ERBB4: variants seen among roughly 807,000 people sequenced by gnomAD.
ERBB4 encodes erb-b2 receptor tyrosine kinase 4.
ERBB4 carries 42 observed loss-of-function variants against 158.0 expected under a neutral mutation model. That is an observed-to-expected ratio of 0.27 (90% CI 0.21 to 0.34). The LOEUF (loss-of-function observed/expected upper bound fraction) is 0.34, where lower values mean the gene tolerates loss of function less well. Ranked by LOEUF, ERBB4 falls within the 10% of genes least tolerant of loss-of-function variation. The pLI is 1.00. For missense variants in ERBB4, 1,333 were observed against 1,624.1 expected (o/e 0.82, Z 3.08); for synonymous variants, 583 against 558.7 (o/e 1.04, Z -0.61).
intron 1 of ERBB4, among the ~76,000 whole-genome samples, chr2:212,327,936 G>A (rs1505374): frequency 0.91 from 137,248 of 150,802 alleles, 62,594 homozygotes; most frequent in Middle Eastern, 0.96. Flanking sequence ...TTAATTCTCA[G>A]ATTGGGCCTA....
At chr2:211,898,483 A>G (rs1367676751) in intron 3 of ERBB4, among the ~76,000 whole-genome samples, 1 of 152,194 alleles carries the variant, frequency 6.6e-6, no homozygotes, top group Non-Finnish European at 1.5e-5. Flanking sequence ...TAAGGTTACT[A>G]TGTATCTGAC....
At chr2:212,112,711 G>C (rs936899858) in intron 2 of ERBB4, among the ~76,000 whole-genome samples, 1 of 152,162 alleles carries the variant, frequency 6.6e-6, no homozygotes, top group Non-Finnish European at 1.5e-5. Context: ...TTGTAATAAG[G>C]AGTGGGAGAT....
chr2:211,443,251 A>G (rs1278147193), intron 20 of ERBB4, among the ~76,000 whole-genome samples: 2 of 152,088 alleles, frequency 1.3e-5, no homozygotes, highest in African/African-American at 4.8e-5. Context: ...AAATTTTAAT[A>G]TTATTGGCAA....
At chr2:212,180,420 C>T (rs968616330) in intron 1 of ERBB4, among the ~76,000 whole-genome samples, 14 of 151,590 alleles carry the variant, frequency 9.2e-5, no homozygotes, top group African/African-American at 3.4e-4. Context: ...AGACTAAAAA[C>T]ATTCAAATAT....
chr2:212,100,547 A>G (rs866538728), intron 2 of ERBB4, among the ~76,000 whole-genome samples: 5 of 152,294 alleles, frequency 3.3e-5, no homozygotes, highest in Non-Finnish European at 5.9e-5. Context: ...AACTACAGTA[A>G]ATTGGTTTCA....
chr2:212,440,500 C>A (rs1478626718), intron 1 of ERBB4, among the ~76,000 whole-genome samples: 1 of 152,110 alleles, frequency 6.6e-6, no homozygotes, highest in African/African-American at 2.4e-5. Flanking sequence ...TTAATACATT[C>A]ATATATATCC....
intron 3 of ERBB4, among the ~76,000 whole-genome samples, chr2:211,878,651 A>AGTTT (rs1553653617): frequency 6.9e-5 from 2 of 29,112 alleles, no homozygotes; most frequent in Non-Finnish European, 6.1e-5. Flanking sequence ...AGACAAATTA[A>AGTTT]GTTTTGTTTT....
intron 3 of ERBB4, among the ~76,000 whole-genome samples, chr2:211,868,215 A>C (rs963494178): frequency 2.0e-5 from 3 of 152,118 alleles, no homozygotes; most frequent in African/African-American, 4.8e-5. Context: ...CTGGAATGCA[A>C]CTGAAAGTTG....
chr2:211,594,543 T>C (rs1329749730), intron 19 of ERBB4, among the ~76,000 whole-genome samples: 9 of 152,198 alleles, frequency 5.9e-5, no homozygotes. Flanking sequence ...GGAATGTTTA[T>C]TTGATGCCAT....
intron 1 of ERBB4, among the ~76,000 whole-genome samples, chr2:212,460,604 T>G (rs1488525687): frequency 1.3e-5 from 2 of 152,160 alleles, no homozygotes; most frequent in African/African-American, 2.4e-5. Flanking sequence ...TTGAGAGAGA[T>G]GATTTAGGGT....
At chr2:212,213,020 T>C (rs1199554037) in intron 1 of ERBB4, among the ~76,000 whole-genome samples, 1 of 152,082 alleles carries the variant, frequency 6.6e-6, no homozygotes, top group Non-Finnish European at 1.5e-5. Flanking sequence ...AAAGACTTCA[T>C]GACAAAAATG....
chr2:211,696,254 G>T (rs2073018942), intron 12 of ERBB4, among the ~76,000 whole-genome samples: 1 of 152,008 alleles, frequency 6.6e-6, no homozygotes, highest in Admixed American at 6.6e-5. Flanking sequence ...GGGACTACAG[G>T]CATGCACCAC....
At chr2:211,545,506 A>G (rs1388087590) in intron 20 of ERBB4, among the ~76,000 whole-genome samples, 1 of 152,110 alleles carries the variant, frequency 6.6e-6, no homozygotes, top group Non-Finnish European at 1.5e-5. Context: ...ATGTACCACA[A>G]AGGATATAAA....
intron 20 of ERBB4, among the ~76,000 whole-genome samples, chr2:211,435,843 C>G (rs2063840191): frequency 6.6e-6 from 1 of 152,214 alleles, no homozygotes; most frequent in African/African-American, 2.4e-5. Flanking sequence ...GATTGAATCC[C>G]TTGCTGTGGC....
chr2:212,419,678 TTTG>T (rs1228373444), intron 1 of ERBB4, among the ~76,000 whole-genome samples: 72 of 151,976 alleles, frequency 4.7e-4, no homozygotes, highest in African/African-American at 1.7e-3. Context: ...TAATAATCAT[TTTG>T]AGGACCTACT....
At chr2:212,311,769 C>A (rs915048844) in intron 1 of ERBB4, among the ~76,000 whole-genome samples, 2 of 150,932 alleles carry the variant, frequency 1.3e-5, no homozygotes, top group Non-Finnish European at 3.0e-5. Flanking sequence ...AAGTTTCTAT[C>A]AGTTAACCAG....
chr2:211,776,129 T>C (rs1448649253), intron 4 of ERBB4, among the ~76,000 whole-genome samples: 2 of 152,162 alleles, frequency 1.3e-5, no homozygotes, highest in Non-Finnish European at 2.9e-5. Flanking sequence ...CTAATCCCAG[T>C]TTGGGTCTTA....
intron 20 of ERBB4, among the ~76,000 whole-genome samples, chr2:211,518,589 G>A (rs2066102642): frequency 6.6e-6 from 1 of 152,010 alleles, no homozygotes; most frequent in Non-Finnish European, 1.5e-5. Flanking sequence ...GGGAGGCGGA[G>A]GTTGCGGTGA....
chr2:212,140,403 A>C (rs545844459), intron 1 of ERBB4, among the ~76,000 whole-genome samples: 1 of 136,586 alleles, frequency 7.3e-6, no homozygotes, highest in South Asian at 2.2e-4. Context: ...AGTAATATCT[A>C]TATATATTTA....
Sources: allele counts gnomAD v4.1 joint callset (sites outside exome capture counted in the v4.1 genomes callset), GRCh38; gene constraint gnomAD v4.1.1; transcripts MANE v1.5; gene names NCBI Gene and HGNC (gene_info 2026-07-23, HGNC 2026-07-21).